ALDH9A1: variants seen among roughly 807,000 people sequenced by gnomAD.
ALDH9A1 encodes the protein aldehyde dehydrogenase 9 family member A1, also known as 4-trimethylaminobutyraldehyde dehydrogenase.
A neutral mutation model predicts 56.6 loss-of-function variants in ALDH9A1; 42 were observed. The observed-to-expected ratio is 0.74, with a 90% confidence interval of 0.58 to 0.96. ALDH9A1 has a LOEUF of 0.96. Among genes scored for constraint, ALDH9A1 ranks in the 40% least tolerant of loss-of-function variants. ALDH9A1 has a pLI of 0.00. For synonymous variants in ALDH9A1, 242 were observed against 236.0 expected (o/e 1.03, Z -0.23); for missense variants, 661 against 651.5 (o/e 1.01, Z -0.16).
intron 2 of ALDH9A1, among the ~76,000 whole-genome samples, chr1:165,684,648 A>G (rs1382814612): frequency 6.6e-6 from 1 of 152,198 alleles, no homozygotes; most frequent in Admixed American, 6.5e-5. Context: ...ACTAGGCCCT[A>G]GAGAGGCTAG....
At chr1:165,667,572 C>T in intron 8 of ALDH9A1, 122 bp from the exon 9 acceptor site, 1 of 1,013,798 alleles carries the variant, frequency 9.9e-7, no homozygotes, top group South Asian at 1.7e-5. Flanking sequence ...AACACCTGGG[C>T]TCCAGCGATC....
At chr1:165,687,530 A>T (rs1408352337) in intron 2 of ALDH9A1, among the ~76,000 whole-genome samples, 1 of 152,194 alleles carries the variant, frequency 6.6e-6, no homozygotes, top group African/African-American at 2.4e-5. Context: ...ATGACAGTAA[A>T]TTTCTCTTCT....
Position 165,665,154 on chromosome 1 carries a change from G to A in ALDH9A1, c.1350-24C>T, listed in dbSNP as rs371035001. Reference sequence around the variant, plus strand: ...CCCTATGAAGAAAAAAAAAATGTGTGCATTATTGAGAGTTTCTTAGGCTAC... The same window carrying A: ...CCCTATGAAGAAAAAAAAAATGTGTACATTATTGAGAGTTTCTTAGGCTAC... On this transcript the variant is annotated intron_variant, in intron 9 of 10. Transcript: ENST00000354775. The A allele has an allele frequency of 2.5e-6, 4 of 1,587,150 alleles. No individual in the cohort carries two copies. In the South Asian group the frequency reaches 4.4e-5, roughly 18 times the overall value.
At chr1:165,678,111 G>A (rs920468495) in intron 6 of ALDH9A1, among the ~76,000 whole-genome samples, 3 of 152,030 alleles carry the variant, frequency 2.0e-5, no homozygotes. Context: ...CAACGTGGGT[G>A]GATTGTGAAG....
At chr1:165,691,155 C>T (rs1649877093) in intron 2 of ALDH9A1, among the ~76,000 whole-genome samples, 1 of 152,154 alleles carries the variant, frequency 6.6e-6, no homozygotes, top group Non-Finnish European at 1.5e-5. Flanking sequence ...CCTTCTGGGA[C>T]AAAGCTTCTA....
chr1:165,663,718 G>C (rs183706396), intron 10 of ALDH9A1, among the ~76,000 whole-genome samples: 14 of 152,238 alleles, frequency 9.2e-5, no homozygotes, highest in Admixed American at 3.3e-4. Flanking sequence ...CCCTGTGCTA[G>C]ACTTAGGTAG....
At chr1:165,663,718 G>T (rs183706396) in intron 10 of ALDH9A1, among the ~76,000 whole-genome samples, 32 of 152,356 alleles carry the variant, frequency 2.1e-4, no homozygotes, top group Admixed American at 4.6e-4. Flanking sequence ...CCCTGTGCTA[G>T]ACTTAGGTAG....
chr1:165,683,739 T>C (rs1329899281), intron 2 of ALDH9A1, among the ~76,000 whole-genome samples: 3 of 152,236 alleles, frequency 2.0e-5, no homozygotes, highest in African/African-American at 7.2e-5. Context: ...TTTCAAATAC[T>C]GTTTCTAGTT....
chr1:165,676,766 C>T (rs576162044), intron 6 of ALDH9A1: 198 of 498,584 alleles, frequency 4.0e-4, no homozygotes, highest in Non-Finnish European at 7.0e-4. Context: ...GAACCTATTC[C>T]CTATGAATTC....
chr1:165,673,111 A>AC (rs200184670), intron 6 of ALDH9A1, among the ~76,000 whole-genome samples: 58,803 of 146,652 alleles, frequency 0.4, 12,397 homozygotes, highest in Middle Eastern at 0.49. Context: ...CAAAAAAAAA[A>AC]AAAAAAAACC....
chr1:165,691,007 G>A (rs1001220876), intron 2 of ALDH9A1, among the ~76,000 whole-genome samples: 1 of 152,200 alleles, frequency 6.6e-6, no homozygotes, highest in African/African-American at 2.4e-5. Flanking sequence ...TTTGAAAAGA[G>A]TAGTGGTTCT....
intron 4 of ALDH9A1, among the ~76,000 whole-genome samples, chr1:165,681,071 GC>G (rs1649538097): frequency 6.6e-6 from 1 of 152,126 alleles, no homozygotes; most frequent in Non-Finnish European, 1.5e-5. Context: ...AGAAAGACCA[GC>G]CCCCATGATT....
intron 4 of ALDH9A1, among the ~76,000 whole-genome samples, 188 bp from the exon 5 acceptor site, chr1:165,680,871 C>G (rs888804086): frequency 4.6e-5 from 7 of 152,282 alleles, no homozygotes; most frequent in Admixed American, 1.3e-4. Context: ...ATACCCGAAA[C>G]TGGGAACAGA....
chr1:165,669,555 T>A, intron 6 of ALDH9A1, 105 bp from the exon 7 acceptor site: 1 of 990,072 alleles, frequency 1.0e-6, no homozygotes. Context: ...AGAGACACTA[T>A]ACATTTTTTA....
Position 165,667,364 on chromosome 1 carries a change from C to T in ALDH9A1, c.1294G>A (p.Val432Ile), listed in dbSNP as rs968867993. 6.2e-7 allele frequency: 1 copy of T among 1,614,102 alleles called. No individual in the cohort carries two copies. The highest frequency in any genetic ancestry group is 8.5e-7 in the Non-Finnish European group (1 of 1,179,996). ...GTGGTATCATTGGCTCTTTCTAGAACCTCAGCTTCAGTGTCAAATGATAAA... is the reference window on the plus strand; with the variant it reads ...GTGGTATCATTGGCTCTTTCTAGAATCTCAGCTTCAGTGTCAAATGATAAA... ...SILSFDTEAEVLERANDTTFG... is the reference protein window; with the variant it reads ...SILSFDTEAEILERANDTTFG... Residue 432 changes from valine to isoleucine, a missense_variant, in exon 9 of 11, where the codon GTT becomes ATT. Val to Ile is a conservative substitution (Grantham distance 29). Transcript: ENST00000354775.
At chr1:165,693,348 T>A (rs901518900) in intron 2 of ALDH9A1, among the ~76,000 whole-genome samples, 2 of 152,108 alleles carry the variant, frequency 1.3e-5, no homozygotes, top group African/African-American at 2.4e-5. Context: ...GAATCTACAA[T>A]GAACTTAAAC....
chr1:165,665,060 C>T lies in ALDH9A1; in HGVS notation c.1420G>A (p.Val474Ile), dbSNP rs1017402367. 13 of 1,613,812 alleles carry T rather than the reference C, an allele frequency of 8.1e-6. No homozygotes were observed. Among genetic ancestry groups the T allele is most frequent in the East Asian group, 6.7e-5 (3 of 44,884 alleles). ...AGTCFINNYNVSPVELPFGGY... is the reference protein window; with the variant it reads ...AGTCFINNYNISPVELPFGGY... ...CCAAAGGGCAACTCCACTGGGCTGA[C>T]GTTATAGTTGTTAATGAAGCACGTC... Residue 474 changes from valine to isoleucine, a missense_variant, in exon 10 of 11, where the codon GTC (valine) becomes ATC (isoleucine). Transcript: ENST00000354775.
At chr1:165,695,882 G>A (rs987620952) in intron 1 of ALDH9A1, among the ~76,000 whole-genome samples, 3 of 147,714 alleles carry the variant, frequency 2.0e-5, no homozygotes, top group African/African-American at 7.5e-5. Context: ...ACGGAGTCTC[G>A]CTCTTGTTAC....
chr1:165,694,572 C>T (rs1296297382), intron 2 of ALDH9A1, among the ~76,000 whole-genome samples: 1 of 151,706 alleles, frequency 6.6e-6, no homozygotes, highest in East Asian at 1.9e-4. Flanking sequence ...ATACTTAAAA[C>T]CCTATCTGAA....
Sources: allele counts gnomAD v4.1 joint callset (sites outside exome capture counted in the v4.1 genomes callset), GRCh38; gene constraint gnomAD v4.1.1; transcripts MANE v1.5; gene names NCBI Gene and HGNC (gene_info 2026-07-23, HGNC 2026-07-21).